The following USP7 variants were observed in gnomAD, a reference collection of about 807,000 sequenced individuals.
USP7 encodes the protein ubiquitin C-terminal hydrolase 7.
Under a neutral mutation model 162.9 loss-of-function variants are expected in USP7, and 9 were observed. The ratio of observed to expected loss-of-function variants is 0.06; its 90% confidence interval spans 0.03 to 0.10. USP7 has a LOEUF of 0.10. Among genes scored for constraint, USP7 ranks in the 10% least tolerant of loss-of-function variants. The probability of loss-of-function intolerance (pLI) is 1.00; values close to 1 mark genes in which losing one functional copy is unlikely to be tolerated. For missense variants in USP7, 715 were observed against 1,373.7 expected (o/e 0.52, Z 7.58); for synonymous variants, 562 against 475.9 (o/e 1.18, Z -2.35).
chr16:8,958,642 C>T (rs529312260), intron 1 of USP7, among the ~76,000 whole-genome samples: 3 of 152,256 alleles, frequency 2.0e-5, no homozygotes, highest in East Asian at 1.9e-4. Context: ...CGACTCCCAA[C>T]GTCTGGACAC....
chr16:8,908,918 C>T (rs570192664), intron 11 of USP7, among the ~76,000 whole-genome samples: 2 of 152,346 alleles, frequency 1.3e-5, no homozygotes, highest in South Asian at 4.1e-4. Flanking sequence ...ACTGATGAGT[C>T]GGCAGGATTA....
Position 8,894,531 on chromosome 16 carries a change from G to C in USP7, c.3202+19C>G, listed in dbSNP as rs754797194. The stretch of plus-strand genomic sequence containing the variant: ...AGTCTGAAACCCACACCAGCCCCCG[G>C]GGGGGGGAGAACCCTTACCGGGCTG... On this transcript the variant is annotated intron_variant, in intron 30 of 30. Transcript: ENST00000344836. The C allele has an allele frequency of 2.7e-6, 4 of 1,465,376 alleles. No homozygotes were observed. Among genetic ancestry groups the C allele is most frequent in the Admixed American group, 4.5e-5 (2 of 44,228 alleles). The allele number at this position is 1,465,376 out of a possible 1,614,324, so 90.8% of individuals were successfully genotyped here.
At chr16:8,901,329 A>G (rs903529038) in intron 18 of USP7, 95 bp from the exon 19 acceptor site, 1 of 826,006 alleles carries the variant, frequency 1.2e-6, no homozygotes, top group African/African-American at 1.7e-5. Context: ...CGAAAAAAAA[A>G]AAACAGTAAG....
chr16:8,963,705 G>T lies in USP7; in HGVS notation c.-420C>A, dbSNP rs982821739. Among the ~76,000 whole-genome samples the T allele has an allele frequency of 7.0e-6, 1 of 143,458 alleles. No homozygotes were observed. Among genetic ancestry groups the T allele is most frequent in the Non-Finnish European group, 1.5e-5 (1 of 64,850 alleles). The allele number at this position is 143,458 out of a possible 152,430, so 94.1% of individuals were successfully genotyped here. A position where few individuals can be genotyped will look rare whatever the true frequency, so the allele number is the denominator to read the frequency against. On this transcript the variant is annotated 5_prime_UTR_variant, in exon 1 of 31. Coordinates refer to ENST00000344836, the MANE Select transcript of USP7 (RefSeq NM_003470.3). ...AGCCCCGCCTCGGGCCGGGCGCGGC[G>T]GACGGGAGGCCTGGCCGGCCGCGGC...
In USP7 at chr16:8,906,594, C is replaced by A. The variant is rs1317048339; in HGVS notation, c.1272-12G>T. ...CTGGGAATTCAAACCTATTAGAAAA[C>A]ATTTTAAAAGAAATTCAGTATTAAT... is the stretch of plus-strand genomic sequence containing the variant. On this transcript the variant is annotated splice_polypyrimidine_tract_variant and intron_variant, in intron 12 of 30. Coordinates refer to ENST00000344836, the MANE Select transcript of USP7 (RefSeq NM_003470.3). 6.2e-7 allele frequency: 1 copy of A among 1,607,240 alleles called. No individual in the cohort carries two copies. The highest frequency in any genetic ancestry group is 1.1e-5 in the South Asian group (1 of 90,214).
chr16:8,948,008 C>T (rs1412019860), intron 1 of USP7, among the ~76,000 whole-genome samples: 2 of 152,254 alleles, frequency 1.3e-5, no homozygotes, highest in South Asian at 2.1e-4. Context: ...CACTTTGGAG[C>T]GCAGCACTGC....
At position 8,894,654 on chromosome 16, in the gene USP7, AATTAAAACTCCTCCGTT is replaced by A; in HGVS notation, c.3112-31_3112-15del. ...TGCAAATTTAAACTAAAAGAAAAAA[AATTAAAACTCCTCCGTT>A]ATTTCTGTATATCAGCAAAACTCAC... On this transcript the variant is annotated splice_polypyrimidine_tract_variant and intron_variant, in intron 29 of 30. Coordinates refer to ENST00000344836, the MANE Select transcript of USP7 (RefSeq NM_003470.3). 6.2e-7 allele frequency: 1 copy of A among 1,612,624 alleles called. No homozygotes were observed. The highest frequency in any genetic ancestry group is 1.1e-5 in the South Asian group (1 of 90,966).
intron 1 of USP7, among the ~76,000 whole-genome samples, chr16:8,946,994 G>T (rs775890721): frequency 6.6e-6 from 1 of 152,212 alleles, no homozygotes; most frequent in Non-Finnish European, 1.5e-5. Flanking sequence ...ATGGGGCGGG[G>T]TGAATTAACC....
At chr16:8,917,941 C>T (rs922703706) in intron 6 of USP7, among the ~76,000 whole-genome samples, 2 of 152,178 alleles carry the variant, frequency 1.3e-5, no homozygotes, top group African/African-American at 4.8e-5. Flanking sequence ...AGGTGCACGC[C>T]GCCATGCCCA....
intron 26 of USP7, among the ~76,000 whole-genome samples, chr16:8,896,647 C>G (rs2061685285): frequency 6.6e-6 from 1 of 152,160 alleles, no homozygotes; most frequent in Non-Finnish European, 1.5e-5. Context: ...CAAATGGAAT[C>G]GTATCCTTCC....
intron 2 of USP7, among the ~76,000 whole-genome samples, chr16:8,924,116 C>G (rs1309885938): frequency 6.6e-6 from 1 of 152,176 alleles, no homozygotes; most frequent in Non-Finnish European, 1.5e-5. Context: ...AACACAGTGC[C>G]TCTTAGCAGA....
intron 7 of USP7, 49 bp from the exon 8 acceptor site, chr16:8,916,605 G>A (rs1897382702): frequency 6.5e-7 from 1 of 1,536,162 alleles, no homozygotes; most frequent in Non-Finnish European, 8.8e-7. Flanking sequence ...ACTTTCAAAT[G>A]AGCAAATTAA....
rs774160827 is a variant in USP7 at position 8,899,586 on chromosome 16, G to A, written c.2463+18C>T. On this transcript the variant is annotated intron_variant, in intron 22 of 30. Transcript: ENST00000344836. Reference sequence around the variant, plus strand: ...TCTGGAGTGGGATCTGAAGAGGAAAGGAGCATTTATTAAATACCTGAAAAT... The same window carrying A: ...TCTGGAGTGGGATCTGAAGAGGAAAAGAGCATTTATTAAATACCTGAAAAT... 3.7e-6 allele frequency: 6 copies of A among 1,612,438 alleles called. No homozygotes were observed. In the Admixed American group the frequency reaches 8.3e-5, roughly 22 times the overall value.
At chr16:8,910,880 G>T in intron 10 of USP7, 53 bp from the exon 11 acceptor site, 1 of 1,414,892 alleles carries the variant, frequency 7.1e-7, no homozygotes, top group Non-Finnish European at 1.0e-6. Context: ...TTATAATGTA[G>T]CCAACACAGG....
intron 26 of USP7, 96 bp from the exon 27 acceptor site, chr16:8,895,837 A>ATT: frequency 4.1e-6 from 3 of 734,914 alleles, no homozygotes; most frequent in Non-Finnish European, 6.0e-6. Context: ...TTACCACGAT[A>ATT]TGTTTTTTTT....
rs202239204 is a variant in USP7 at position 8,915,386 on chromosome 16, C to CA, written c.988-43dup. 2,488 of 1,612,450 alleles carry CA rather than the reference C, an allele frequency of 1.5e-3. 22 individuals carry two copies. In the African/African-American group the frequency reaches 0.029, roughly 19 times the overall value. On this transcript the variant is annotated intron_variant, in intron 9 of 30. Transcript: ENST00000344836. ...TAAAAGTGGTTTAACTAGTAATAGTCAAAAAATTCACATTCTAAAACCTTT... is the reference window on the plus strand; with the variant it reads ...TAAAAGTGGTTTAACTAGTAATAGTCAAAAAAATTCACATTCTAAAACCTTT...
chr16:8,920,522 T>C, intron 4 of USP7, 75 bp from the exon 5 acceptor site: 1 of 1,245,450 alleles, frequency 8.0e-7, no homozygotes, highest in Non-Finnish European at 1.1e-6. Flanking sequence ...ATTACATTAG[T>C]GCCCTGTACT....
Position 8,897,088 on chromosome 16 carries a change from T to A in USP7, c.2730A>T (p.Leu910=), listed in dbSNP as rs770437948. 1.2e-6 allele frequency: 2 copies of A among 1,612,530 alleles called. No homozygotes were observed. Among genetic ancestry groups the A allele is most frequent in the Non-Finnish European group, 1.7e-6 (2 of 1,178,558 alleles). ...GGACACACCCATGCTTGTCTGGATATAGTGTTATTTCCTAAGTAATGAAAA... is the reference window on the plus strand; with the variant it reads ...GGACACACCCATGCTTGTCTGGATAAAGTGTTATTTCCTAAGTAATGAAAA... The part of the protein sequence containing the change: ...NSQFREEEIT[L]YPDKHGCVRD... The change falls in exon 26 of 31, where the codon CTA becomes CTT. Residue 910 remains leucine (L), a synonymous_variant. Coordinates refer to ENST00000344836, the MANE Select transcript of USP7 (RefSeq NM_003470.3).
chr16:8,896,961 T>C (rs768430547), intron 26 of USP7, 38 bp downstream of exon 26: 1 of 1,531,250 alleles, frequency 6.5e-7, no homozygotes, highest in Admixed American at 1.7e-5. Context: ...CTGCCACCCC[T>C]AACTGAACGT....
Sources: gnomAD v4.1 joint callset for allele counts (sites outside exome capture counted in the v4.1 genomes callset) on GRCh38, gnomAD v4.1.1 for gene constraint, MANE v1.5 for transcripts, NCBI Gene and HGNC (gene_info 2026-07-23, HGNC 2026-07-21) for gene names.